NEDD4: variants seen among roughly 807,000 people sequenced by gnomAD.
NEDD4 encodes NEDD4 E3 ubiquitin protein ligase.
Under a neutral mutation model 144.9 loss-of-function variants are expected in NEDD4, and 99 were observed. The observed-to-expected ratio is 0.68, with a 90% CI of 0.58 to 0.81. NEDD4 has a LOEUF of 0.81. NEDD4 is among the 30% of genes least tolerant of loss of function. The pLI is 0.00. For synonymous variants in NEDD4, 318 were observed against 350.6 expected, an observed-to-expected ratio of 0.91 and a Z score of 1.04; for missense variants, 985 against 1,065.9, an observed-to-expected ratio of 0.92 and a Z score of 1.06.
At chr15:55,969,939 T>C (rs2037579465) in intron 1 of NEDD4, among the ~76,000 whole-genome samples, 1 of 151,050 alleles carries the variant, frequency 6.6e-6, no homozygotes, top group Non-Finnish European at 1.5e-5. Flanking sequence ...CACAGTAAAA[T>C]AAAGCACCAA....
chr15:55,945,721 C>T (rs796633385), intron 4 of NEDD4, among the ~76,000 whole-genome samples: 1 of 151,812 alleles, frequency 6.6e-6, no homozygotes, highest in Admixed American at 6.6e-5. Context: ...GATTCACCAA[C>T]GTTGAAATGA....
At chr15:55,856,288 G>T in intron 11 of NEDD4, 92 bp from the exon 12 acceptor site, 1 of 1,083,488 alleles carries the variant, frequency 9.2e-7, no homozygotes, top group Non-Finnish European at 1.4e-6. Flanking sequence ...ATATGACAGG[G>T]CAGAAGAGAG....
intron 11 of NEDD4, among the ~76,000 whole-genome samples, chr15:55,858,068 A>G (rs2034264872): frequency 6.6e-6 from 1 of 152,206 alleles, no homozygotes; most frequent in Admixed American, 6.5e-5. Flanking sequence ...CTGCATTTAA[A>G]TAATTTACAT....
chr15:55,921,686 A>T (rs1431646614), intron 5 of NEDD4, among the ~76,000 whole-genome samples: 1 of 152,200 alleles, frequency 6.6e-6, no homozygotes, highest in Non-Finnish European at 1.5e-5. Context: ...TAAAAGTTTT[A>T]AAAATTTTGT....
chr15:55,850,213 A>T (rs2033928268), intron 14 of NEDD4, among the ~76,000 whole-genome samples: 1 of 152,138 alleles, frequency 6.6e-6, no homozygotes, highest in Non-Finnish European at 1.5e-5. Flanking sequence ...ATTAAATGAG[A>T]TATGGATTCA....
In NEDD4 at chr15:55,850,404, T is replaced by C; in HGVS notation, c.1347+138A>G. On this transcript the variant is annotated intron_variant, in intron 14 of 28. Transcript: ENST00000435532. ...GCATTCTCCTGAATACAAATAATAT[T>C]ATTAAGAATTCAATATACCTTTCAA... 4 of 778,186 alleles carry C rather than the reference T, an allele frequency of 5.1e-6. No individual in the cohort carries two copies. The South Asian group carries it at 7.5e-5, about 15-fold the overall frequency. 48.2% of individuals were successfully genotyped at this position (778,186 alleles called of 1,614,324 possible).
chr15:55,977,276 T>C (rs1355742586), intron 1 of NEDD4, among the ~76,000 whole-genome samples: 2 of 152,196 alleles, frequency 1.3e-5, no homozygotes, highest in African/African-American at 4.8e-5. Flanking sequence ...GTACACAATA[T>C]TTACATTGTA....
intron 1 of NEDD4, among the ~76,000 whole-genome samples, chr15:55,976,979 C>T (rs1257565135): frequency 6.6e-6 from 1 of 152,152 alleles, no homozygotes; most frequent in African/African-American, 2.4e-5. Flanking sequence ...AATATTATAG[C>T]ACAAGAGATA....
At chr15:55,847,676 CTTTTTTTTT>C (rs149696600) in intron 17 of NEDD4, among the ~76,000 whole-genome samples, 4 of 113,590 alleles carry the variant, frequency 3.5e-5, no homozygotes, top group African/African-American at 1.3e-4. Context: ...TTTCTTTTTC[CTTTTTTTTT>C]TTTTTTTTTG....
At chr15:55,866,837 G>A (rs896551114) in intron 8 of NEDD4, among the ~76,000 whole-genome samples, 1 of 152,174 alleles carries the variant, frequency 6.6e-6, no homozygotes, top group Non-Finnish European at 1.5e-5. Context: ...CCTCTATACA[G>A]TCAATTTTTT....
intron 4 of NEDD4, among the ~76,000 whole-genome samples, chr15:55,932,441 G>A (rs1290694942): frequency 1.3e-5 from 2 of 152,160 alleles, no homozygotes; most frequent in Non-Finnish European, 2.9e-5. Context: ...TTTAATAAAT[G>A]ATGCTGGGAA....
intron 5 of NEDD4, among the ~76,000 whole-genome samples, chr15:55,910,383 C>A (rs975214796): frequency 1.3e-5 from 2 of 152,026 alleles, no homozygotes; most frequent in African/African-American, 4.8e-5. Flanking sequence ...GTACTGTCTG[C>A]TTTCCTCCTT....
chr15:55,926,795 G>C (rs1228865533), intron 4 of NEDD4, among the ~76,000 whole-genome samples: 1 of 152,056 alleles, frequency 6.6e-6, no homozygotes, highest in African/African-American at 2.4e-5. Flanking sequence ...CCAAAAAAAG[G>C]GTGGGCATGG....
chr15:55,847,602 C>A (rs2033800700), intron 17 of NEDD4, among the ~76,000 whole-genome samples: 1 of 151,680 alleles, frequency 6.6e-6, no homozygotes, highest in Non-Finnish European at 1.5e-5. Flanking sequence ...AATTATCATA[C>A]GTGGTAATAT....
In NEDD4 at chr15:55,869,317, T is replaced by C. The variant is rs535108078; in HGVS notation, c.507+262A>G. The stretch of plus-strand genomic sequence containing the variant: ...TGTGTTCTTACTTTAATGGAGAATA[T>C]ACAGTTTTAGAAAACTTTGAAAAAC... On this transcript the variant is annotated intron_variant, in intron 8 of 28. Coordinates refer to ENST00000435532, the MANE Select transcript of NEDD4 (RefSeq NM_006154.4). Among the ~76,000 whole-genome samples the C allele has an allele frequency of 9.5e-4, 144 of 152,328 alleles. 1 individual carries two copies. Among genetic ancestry groups the C allele is most frequent in the African/African-American group, 3.3e-3 (139 of 41,586 alleles).
At chr15:55,910,044 C>A (rs556092130) in intron 5 of NEDD4, among the ~76,000 whole-genome samples, 2 of 152,168 alleles carry the variant, frequency 1.3e-5, no homozygotes, top group East Asian at 3.9e-4. Flanking sequence ...TTCTATAGTT[C>A]CAAGGTGAAA....
At chr15:55,916,097 T>C in intron 5 of NEDD4, 3 of 1,613,468 alleles carry the variant, frequency 1.9e-6, no homozygotes, top group Non-Finnish European at 2.5e-6. Context: ...TCATAATCTC[T>C]AATCCATGTT....
rs71110358 is a variant in NEDD4 at position 55,979,339 on chromosome 15, C to CT, written c.46-12794dup. Among the ~76,000 whole-genome samples, 364 of 65,878 alleles carry CT rather than the reference C, an allele frequency of 5.5e-3. 1 individual carries two copies. The highest frequency in any genetic ancestry group is 6.0e-3 in the Non-Finnish European group (222 of 37,230). The allele number at this position is 65,878 out of a possible 152,430, so 43.2% of individuals were successfully genotyped here. On this transcript the variant is annotated intron_variant, in intron 1 of 28. Transcript: ENST00000435532. ...AATAAGATCATGAAAGTTTTTACCT[C>CT]TTTTTTTTTTTTTTTTTTTTTTTTT...
chr15:55,932,077 T>C (rs990830288), intron 4 of NEDD4, among the ~76,000 whole-genome samples: 29 of 152,166 alleles, frequency 1.9e-4, no homozygotes, highest in African/African-American at 7.0e-4. Context: ...TGAATTGTAG[T>C]TCGCATAATC....
Sources: allele counts gnomAD v4.1 joint callset (sites outside exome capture counted in the v4.1 genomes callset), GRCh38; gene constraint gnomAD v4.1.1; transcripts MANE v1.5; gene names NCBI Gene and HGNC (gene_info 2026-07-23, HGNC 2026-07-21).